The following WDHD1 variants were observed in gnomAD, a reference collection of about 807,000 sequenced individuals.
WDHD1 encodes WD repeat and HMG-box DNA binding protein 1, also known as WD repeat and HMG-box DNA-binding protein 1.
A neutral mutation model predicts 135.4 loss-of-function variants in WDHD1; 111 were observed. That is an observed-to-expected ratio of 0.82 (90% confidence interval 0.70 to 0.96). The LOEUF is 0.96. Ranked by LOEUF, WDHD1 falls within the 40% of genes least tolerant of loss-of-function variation. The pLI is 0.00. For missense variants in WDHD1, 1,351 were observed against 1,336.3 expected, an observed-to-expected ratio of 1.01 and a Z score of -0.17; for synonymous variants, 434 against 439.0, an observed-to-expected ratio of 0.99 and a Z score of 0.14.
chr14:55,015,031 G>A lies in WDHD1; in HGVS notation c.78-1435C>T, dbSNP rs533970146. ...AGAATAACCTTAATGCCAGAGTAAG[G>A]TGGTTAGGCTCCCTTCTATAGAGAG... On this transcript the variant is annotated intron_variant, in intron 2 of 25. Transcript: ENST00000360586. Among the ~76,000 whole-genome samples the A allele has an allele frequency of 7.4e-4, 112 of 152,254 alleles. 2 individuals carry two copies. The South Asian group carries it at 0.023, about 31-fold the overall frequency.
chr14:54,997,538 G>A (rs978425676), intron 10 of WDHD1, among the ~76,000 whole-genome samples: 3 of 152,128 alleles, frequency 2.0e-5, no homozygotes, highest in African/African-American at 7.2e-5. Context: ...GCTATAAGAA[G>A]ATATTCAACC....
At chr14:55,018,073 C>T (rs545940192) in intron 2 of WDHD1, among the ~76,000 whole-genome samples, 111 of 152,240 alleles carry the variant, frequency 7.3e-4, no homozygotes, top group Non-Finnish European at 1.4e-3. Context: ...CTTTCTCCCT[C>T]TGCTTGGAGT....
At chr14:54,962,704 T>G in intron 20 of WDHD1, 34 bp downstream of exon 20, 1 of 1,607,750 alleles carries the variant, frequency 6.2e-7, no homozygotes, top group Non-Finnish European at 8.5e-7. Context: ...CCATGATAGT[T>G]CTCATGATTT....
chr14:54,956,475 T>C (rs1346111947), intron 23 of WDHD1, among the ~76,000 whole-genome samples: 1 of 151,802 alleles, frequency 6.6e-6, no homozygotes, highest in Non-Finnish European at 1.5e-5. Context: ...CCATCTCTAC[T>C]AAAAATACCA....
intron 15 of WDHD1, among the ~76,000 whole-genome samples, chr14:54,981,997 A>T (rs1275046679): frequency 4.0e-5 from 6 of 151,670 alleles, no homozygotes; most frequent in African/African-American, 7.3e-5. Context: ...TCATTTATTT[A>T]TTTATTTATT....
rs568266435 is a variant in WDHD1, at chr14:55,009,725, C to A, written c.341+584G>T. On this transcript the variant is annotated intron_variant, in intron 4 of 25. Coordinates refer to ENST00000360586, the MANE Select transcript of WDHD1 (RefSeq NM_007086.4). ...GGGATTACAGGCATGAGCCACGACG[C>A]CAGCCCTAAAATAATTTTTTTAAAT... Among the ~76,000 whole-genome samples the A allele has an allele frequency of 8.0e-5, 12 of 150,064 alleles. No individual in the cohort carries two copies. The East Asian group carries it at 2.2e-3, about 28-fold the overall frequency.
intron 16 of WDHD1, among the ~76,000 whole-genome samples, chr14:54,979,500 T>C (rs978828673): frequency 6.6e-6 from 1 of 152,118 alleles, no homozygotes; most frequent in African/African-American, 2.4e-5. Flanking sequence ...TATTCTACTT[T>C]CATTTCTTTA....
intron 10 of WDHD1, among the ~76,000 whole-genome samples, chr14:54,999,283 G>A (rs915591521): frequency 1.3e-5 from 2 of 152,100 alleles, no homozygotes; most frequent in Non-Finnish European, 2.9e-5. Context: ...CCTAGACCAA[G>A]GACAGTCTAT....
intron 7 of WDHD1, among the ~76,000 whole-genome samples, chr14:55,004,538 C>T (rs1187797271): frequency 2.0e-5 from 3 of 152,088 alleles, no homozygotes; most frequent in Non-Finnish European, 2.9e-5. Flanking sequence ...CTGCAACCTC[C>T]GCCTCCTGGG....
chr14:54,995,936 A>C, intron 10 of WDHD1, 123 bp from the exon 11 acceptor site: 1 of 648,578 alleles, frequency 1.5e-6, no homozygotes, highest in Non-Finnish European at 2.5e-6. Flanking sequence ...CACTGAACAG[A>C]TAAGAATAAT....
At chr14:55,018,049 C>T (rs1409117163) in intron 2 of WDHD1, among the ~76,000 whole-genome samples, 1 of 152,038 alleles carries the variant, frequency 6.6e-6, no homozygotes, top group African/African-American at 2.4e-5. Flanking sequence ...AAAATACTAG[C>T]ATTGCAGGAC....
chr14:54,975,301 A>G (rs2041507292), intron 16 of WDHD1, among the ~76,000 whole-genome samples: 1 of 152,184 alleles, frequency 6.6e-6, no homozygotes, highest in Non-Finnish European at 1.5e-5. Context: ...AGTTCAGCTC[A>G]AAGGGGGCAG....
intron 2 of WDHD1, among the ~76,000 whole-genome samples, chr14:55,019,494 T>C (rs1210733436): frequency 1.3e-5 from 2 of 152,214 alleles, no homozygotes; most frequent in Non-Finnish European, 2.9e-5. Flanking sequence ...TTCATGACTC[T>C]TGCTAAAGCA....
In WDHD1 at chr14:54,987,370, T is replaced by G; in HGVS notation, c.1544A>C (p.His515Pro). ...DELASKLHCL[H>P]FSSWDSSKEW... is the part of the protein sequence containing the mutation. Reference sequence around the variant, plus strand: ...TTTGCTTGAATCCCAAGAACTAAAGTGCAGGCAGTGAAGCTTGCTAAAAAT... The same window carrying G: ...TTTGCTTGAATCCCAAGAACTAAAGGGCAGGCAGTGAAGCTTGCTAAAAAT... Residue 515 changes from histidine to proline, a missense_variant, in exon 14 of 26, where the codon CAC becomes CCC. Transcript: ENST00000360586. The G allele has an allele frequency of 6.2e-7, 1 of 1,613,060 alleles. No individual in the cohort carries two copies. Among genetic ancestry groups the G allele is most frequent in the Non-Finnish European group, 8.5e-7 (1 of 1,179,688 alleles).
intron 3 of WDHD1, among the ~76,000 whole-genome samples, chr14:55,012,117 A>G (rs1466651721): frequency 1.3e-5 from 2 of 152,080 alleles, no homozygotes; most frequent in Non-Finnish European, 2.9e-5. Context: ...TCTTATGGGG[A>G]AAAAAAATCC....
chr14:54,947,348 G>GA (rs1408271814), intron 24 of WDHD1, among the ~76,000 whole-genome samples: 3 of 151,414 alleles, frequency 2.0e-5, no homozygotes, highest in Admixed American at 6.6e-5. Context: ...GTGTTAAGCG[G>GA]AAAAAAAACC....
chr14:54,948,833 C>CATTTGCTGTTCACCAAT (rs2040982423), intron 24 of WDHD1, among the ~76,000 whole-genome samples: 1 of 152,204 alleles, frequency 6.6e-6, no homozygotes, highest in Non-Finnish European at 1.5e-5. Flanking sequence ...CAGGCAGCAA[C>CATTTGCTGTTCACCAAT]ATTTGCTGTT....
At chr14:54,995,485 T>G in intron 11 of WDHD1, 118 bp downstream of exon 11, 1 of 718,862 alleles carries the variant, frequency 1.4e-6, no homozygotes, top group South Asian at 3.9e-5. Flanking sequence ...GCTATAAAAT[T>G]TCCTCTAAGC....
Position 54,940,733 on chromosome 14 carries a change from C to A in WDHD1, c.*757G>T, listed in dbSNP as rs111913176. ...CACCAAGAGCACATGATGCCTTGGA[C>A]TGCAATACTGTCACAGCAGTGTCTT... On this transcript the variant is annotated 3_prime_UTR_variant, in exon 26 of 26. Transcript: ENST00000360586. 1 of 152,090 alleles carries A rather than the reference C, an allele frequency of 6.6e-6. No individual in the cohort carries two copies. The highest frequency in any genetic ancestry group is 1.5e-5 in the Non-Finnish European group (1 of 68,036). 9.4% of individuals were successfully genotyped at this position (152,090 alleles called of 1,614,324 possible).
Sources: allele counts gnomAD v4.1 joint callset (sites outside exome capture counted in the v4.1 genomes callset), GRCh38; gene constraint gnomAD v4.1.1; transcripts MANE v1.5; gene names NCBI Gene and HGNC (gene_info 2026-07-23, HGNC 2026-07-21).